Variants in TMEM132D observed in about 807,000 individuals in gnomAD.
TMEM132D encodes mature OL transmembrane protein.
TMEM132D carries 21 observed loss-of-function variants against 62.3 expected under a neutral mutation model. That is an observed-to-expected ratio of 0.34 (90% confidence interval 0.24 to 0.49). The LOEUF (loss-of-function observed/expected upper bound fraction) is 0.49, where lower values mean the gene tolerates loss of function less well. TMEM132D is among the 20% of genes least tolerant of loss of function. The probability of loss-of-function intolerance (pLI) is 0.99; values close to 1 mark genes in which losing one functional copy is unlikely to be tolerated. For synonymous variants in TMEM132D, 621 were observed against 575.6 expected (o/e 1.08, Z -1.13); for missense variants, 1,346 against 1,402.8 (o/e 0.96, Z 0.65).
chr12:129,647,243 G>GTTTTTTTTTTTTTTTTTTTTTATTT (rs57450911), intron 2 of TMEM132D, among the ~76,000 whole-genome samples: 1 of 117,594 alleles, frequency 8.5e-6, no homozygotes, highest in Non-Finnish European at 1.7e-5. Flanking sequence ...TTGTTTTTCT[G>GTTTTTTTTTTTTTTTTTTTTTATTT]TTTTTTTTTT....
chr12:129,530,483 T>C (rs987253174), intron 3 of TMEM132D, among the ~76,000 whole-genome samples: 4 of 152,204 alleles, frequency 2.6e-5, no homozygotes, highest in Non-Finnish European at 4.4e-5. Flanking sequence ...CAGCTGTGAA[T>C]TGATTGTTTC....
intron 3 of TMEM132D, among the ~76,000 whole-genome samples, chr12:129,480,073 C>T (rs1459726418): frequency 6.6e-6 from 1 of 150,428 alleles, no homozygotes; most frequent in Non-Finnish European, 1.5e-5. Flanking sequence ...AGAAAGTTCT[C>T]ACTGTGTCCT....
intron 1 of TMEM132D, among the ~76,000 whole-genome samples, chr12:129,762,629 G>GCGTCAT (rs1354589299): frequency 6.6e-6 from 1 of 152,088 alleles, no homozygotes; most frequent in Non-Finnish European, 1.5e-5. Context: ...CATCAAAGCT[G>GCGTCAT]CAAACCCTTG....
At chr12:129,617,415 A>G (rs988156525) in intron 2 of TMEM132D, among the ~76,000 whole-genome samples, 3 of 152,154 alleles carry the variant, frequency 2.0e-5, no homozygotes, top group Non-Finnish European at 2.9e-5. Context: ...CTGTTCATCC[A>G]TGAGATGGTG....
chr12:129,817,971 ATGTGTGTGTGG>A (rs991729062), intron 1 of TMEM132D, among the ~76,000 whole-genome samples: 4 of 107,766 alleles, frequency 3.7e-5, no homozygotes, highest in East Asian at 6.6e-4. Context: ...ATGTGTGTAT[ATGTGTGTGTGG>A]TGTGTGTGTG....
chr12:129,817,866 G>A (rs1029393141), intron 1 of TMEM132D, among the ~76,000 whole-genome samples: 18 of 148,282 alleles, frequency 1.2e-4, no homozygotes, highest in African/African-American at 4.5e-4. Context: ...GGTGTGAGGT[G>A]TATGTGTGTG....
Position 129,281,322 on chromosome 12 carries a change from G to C in TMEM132D, c.1299+56312C>G, listed in dbSNP as rs73422211. 2.1e-3 allele frequency among the ~76,000 whole-genome samples: 324 copies of C among 151,756 alleles called. 2 individuals carry two copies. Among genetic ancestry groups the C allele is most frequent in the African/African-American group, 7.4e-3 (307 of 41,380 alleles). ...AGGTGTCATTTGTAACCTCCATCTG[G>C]TCAGGATGTGCACACACACACAACT... On this transcript the variant is annotated intron_variant, in intron 4 of 8. Transcript: ENST00000422113.
chr12:129,373,415 G>A (rs922678030), intron 3 of TMEM132D, among the ~76,000 whole-genome samples: 10 of 152,088 alleles, frequency 6.6e-5, no homozygotes, highest in South Asian at 2.1e-4. Flanking sequence ...GGTGGATCAC[G>A]AGGTCAGGAG....
intron 5 of TMEM132D, among the ~76,000 whole-genome samples, chr12:129,127,301 C>T (rs576084654): frequency 6.6e-6 from 1 of 152,312 alleles, no homozygotes; most frequent in African/African-American, 2.4e-5. Context: ...CGCAAACAAA[C>T]ATTTGATACC....
At chr12:129,398,117 A>G (rs561926871) in intron 3 of TMEM132D, among the ~76,000 whole-genome samples, 1 of 152,342 alleles carries the variant, frequency 6.6e-6, no homozygotes, top group East Asian at 1.9e-4. Context: ...TTTGTGGGCA[A>G]ACTGATATAA....
intron 1 of TMEM132D, among the ~76,000 whole-genome samples, chr12:129,873,479 T>C (rs1874321398): frequency 6.6e-6 from 1 of 152,200 alleles, no homozygotes; most frequent in Non-Finnish European, 1.5e-5. Flanking sequence ...TTTAAGCTGA[T>C]TCGTCAAAAG....
intron 1 of TMEM132D, among the ~76,000 whole-genome samples, chr12:129,731,960 C>A (rs1869262439): frequency 6.6e-6 from 1 of 152,156 alleles, no homozygotes; most frequent in Non-Finnish European, 1.5e-5. Context: ...CCGTGCCCGG[C>A]CAGAAATTTT....
intron 5 of TMEM132D, among the ~76,000 whole-genome samples, chr12:129,199,786 A>T (rs1038028992): frequency 3.9e-5 from 6 of 152,232 alleles, no homozygotes; most frequent in African/African-American, 1.4e-4. Flanking sequence ...ATCTCATGAC[A>T]CTTATTCACT....
At chr12:129,240,844 T>C (rs1879917855) in intron 4 of TMEM132D, among the ~76,000 whole-genome samples, 1 of 152,172 alleles carries the variant, frequency 6.6e-6, no homozygotes, top group Admixed American at 6.5e-5. Context: ...CAACACCTTC[T>C]AGCTAGGTGT....
intron 1 of TMEM132D, among the ~76,000 whole-genome samples, chr12:129,823,181 C>G (rs958620727): frequency 6.6e-6 from 1 of 152,160 alleles, no homozygotes; most frequent in Non-Finnish European, 1.5e-5. Context: ...CTGAGGCCTC[C>G]CCAGAAGCAG....
chr12:129,202,429 C>T (rs1479697749), intron 5 of TMEM132D, among the ~76,000 whole-genome samples: 6 of 152,176 alleles, frequency 3.9e-5, no homozygotes, highest in Non-Finnish European at 7.3e-5. Flanking sequence ...AGTTGTGCAT[C>T]GGGCTTTGAG....
intron 3 of TMEM132D, among the ~76,000 whole-genome samples, chr12:129,389,054 T>C (rs61945699): frequency 0.61 from 74,977 of 122,294 alleles, 26,365 homozygotes; most frequent in African/African-American, 0.69. Flanking sequence ...AACACTAACA[T>C]GAATCCTAAT....
At chr12:129,465,021 G>C (rs564437063) in intron 3 of TMEM132D, among the ~76,000 whole-genome samples, 4 of 150,866 alleles carry the variant, frequency 2.7e-5, no homozygotes, top group African/African-American at 9.7e-5. Flanking sequence ...GGCATTGGTA[G>C]CTTGATGGGG....
At chr12:129,143,146 C>A (rs1876791990) in intron 5 of TMEM132D, among the ~76,000 whole-genome samples, 1 of 152,126 alleles carries the variant, frequency 6.6e-6, no homozygotes, top group Non-Finnish European at 1.5e-5. Context: ...CTCCTTCCCA[C>A]CAGTGGCAAG....
Sources: allele counts gnomAD v4.1 joint callset (sites outside exome capture counted in the v4.1 genomes callset), GRCh38; gene constraint gnomAD v4.1.1; transcripts MANE v1.5; gene names NCBI Gene and HGNC (gene_info 2026-07-23, HGNC 2026-07-21).